ATXN2: variants seen among roughly 807,000 people sequenced by gnomAD.
ATXN2 encodes ataxin-2.
ATXN2 carries 37 observed loss-of-function variants against 138.6 expected under a neutral mutation model. That is an observed-to-expected ratio of 0.27 (90% CI 0.21 to 0.35). ATXN2 has a LOEUF of 0.35. ATXN2 is among the 10% of genes least tolerant of loss of function. The probability of loss-of-function intolerance (pLI) is 1.00; values close to 1 mark genes in which losing one functional copy is unlikely to be tolerated. For missense variants in ATXN2, 1,216 were observed against 1,480.3 expected, an observed-to-expected ratio of 0.82 and a Z score of 2.93; for synonymous variants, 549 against 543.7, an observed-to-expected ratio of 1.01 and a Z score of -0.13.
chr12:111,518,013 T>C (rs1270486396), intron 9 of ATXN2, among the ~76,000 whole-genome samples: 1 of 152,220 alleles, frequency 6.6e-6, no homozygotes, highest in Admixed American at 6.5e-5. Flanking sequence ...TAGCACTTTA[T>C]CTTAGTACAT....
chr12:111,457,438 A>C, intron 21 of ATXN2, 79 bp from the exon 22 acceptor site: 1 of 1,477,096 alleles, frequency 6.8e-7, no homozygotes, highest in Non-Finnish European at 9.1e-7. Flanking sequence ...CATCAACTGA[A>C]CTTTCTTGAT....
chr12:111,598,311 C>T lies in ATXN2; in HGVS notation c.251+473G>A. The T allele has an allele frequency of 4.0e-6, 4 of 1,000,962 alleles. No individual in the cohort carries two copies. Among genetic ancestry groups the T allele is most frequent in the Non-Finnish European group, 4.8e-6 (4 of 838,898 alleles). 62.0% of individuals were successfully genotyped at this position (1,000,962 alleles called of 1,614,324 possible). On this transcript the variant is annotated intron_variant, in intron 1 of 24. Transcript: ENST00000673436. The surrounding 1 kb of genome is among the most constrained non-coding windows in gnomAD (Gnocchi z 4.5). The stretch of plus-strand genomic sequence containing the variant: ...CACGGGGGACGCGGCCCTAACTTCT[C>T]CCCTCCAGAGATGTCCCCCATGGAG...
At chr12:111,573,703 A>T (rs1309192303) in intron 1 of ATXN2, among the ~76,000 whole-genome samples, 1 of 152,144 alleles carries the variant, frequency 6.6e-6, no homozygotes, top group Non-Finnish European at 1.5e-5. Flanking sequence ...CCAGCCTGAC[A>T]GGCTGGGCTG....
intron 14 of ATXN2, among the ~76,000 whole-genome samples, chr12:111,503,543 ACT>A (rs1878915309): frequency 6.6e-6 from 1 of 151,916 alleles, no homozygotes; most frequent in South Asian, 2.1e-4. Context: ...TAGAAAGTTC[ACT>A]CTTTTATTTT....
In ATXN2 at chr12:111,518,290, A is replaced by C. The variant is rs578113204; in HGVS notation, c.1124T>G (p.Phe375Cys). ...TTGGTCTGAACCAGAATTCGGGTTG[A>C]AATCTGAAGTGTGAGAAGTGGATCT... is the stretch of plus-strand genomic sequence containing the variant. Reference protein sequence around the residue: ...PSRSTSHTSDFNPNSGSDQRV... With the variant: ...PSRSTSHTSDCNPNSGSDQRV... Residue 375 changes from phenylalanine (F) to cysteine (C), a missense_variant, in exon 9 of 25, where the codon TTC becomes TGC. By Grantham distance (205) the Phe-to-Cys change is radical. This residue lies in a region of ATXN2 where 401 missense variants were observed against 528.1 expected (regional missense o/e 0.76). Transcript: ENST00000673436. 6.8e-6 allele frequency: 11 copies of C among 1,610,924 alleles called. No homozygotes were observed. Among genetic ancestry groups the C allele is most frequent in the Middle Eastern group, 1.7e-4 (1 of 6,054 alleles).
chr12:111,506,745 G>C (rs1219702349), intron 14 of ATXN2, among the ~76,000 whole-genome samples: 1 of 151,574 alleles, frequency 6.6e-6, no homozygotes, highest in Non-Finnish European at 1.5e-5. Flanking sequence ...TGCCATCTCG[G>C]CTCACTGCAA....
chr12:111,477,901 T>A (rs1382395963), intron 18 of ATXN2, among the ~76,000 whole-genome samples: 1 of 151,634 alleles, frequency 6.6e-6, no homozygotes, highest in East Asian at 1.9e-4. Context: ...TTGTCCCACC[T>A]CAGCCCCCCA....
At chr12:111,522,299 C>T (rs1049907482) in intron 6 of ATXN2, among the ~76,000 whole-genome samples, 1 of 151,700 alleles carries the variant, frequency 6.6e-6, no homozygotes, top group Non-Finnish European at 1.5e-5. Context: ...CCAATCCCAG[C>T]GTGCATAAAT....
chr12:111,463,858 C>A (rs1011112079), intron 21 of ATXN2, among the ~76,000 whole-genome samples: 8 of 152,198 alleles, frequency 5.3e-5, no homozygotes, highest in African/African-American at 1.9e-4. Context: ...ACGACTTCGG[C>A]TCACTGCAAC....
In ATXN2 at chr12:111,599,283, C is replaced by T. The variant is rs1374016546; in HGVS notation, c.-249G>A. 3.0e-6 allele frequency: 3 copies of T among 993,060 alleles called. No individual in the cohort carries two copies. The highest frequency in any genetic ancestry group is 1.2e-6 in the Non-Finnish European group (1 of 841,736). 61.5% of individuals were successfully genotyped at this position (993,060 alleles called of 1,614,324 possible). On this transcript the variant is annotated 5_prime_UTR_variant, in exon 1 of 25. Transcript: ENST00000673436. Reference sequence around the variant, plus strand: ...GCGCCGCCGCCGTTGCCGTTGCTACCAAAACAGTCTGAGGCGGAGGGAGGC... The same window carrying T: ...GCGCCGCCGCCGTTGCCGTTGCTACTAAAACAGTCTGAGGCGGAGGGAGGC...
Position 111,453,285 on chromosome 12 carries a change from C to G in ATXN2, c.3439+392G>C. ...ATCCACAGCGCTTTCTCAGCAGTAT[C>G]TTCTCCAGAGCTACAATCAAACTCT... On this transcript the variant is annotated intron_variant, in intron 24 of 24. Transcript: ENST00000673436. The surrounding 1 kb of genome is among the most constrained non-coding windows in gnomAD (Gnocchi z 5.4). The G allele has an allele frequency of 1.8e-5, 19 of 1,061,416 alleles. No individual in the cohort carries two copies. Among genetic ancestry groups the G allele is most frequent in the Non-Finnish European group, 2.2e-5 (19 of 879,848 alleles). 65.7% of individuals were successfully genotyped at this position (1,061,416 alleles called of 1,614,324 possible).
At chr12:111,575,621 T>C (rs1883595651) in intron 1 of ATXN2, among the ~76,000 whole-genome samples, 1 of 151,958 alleles carries the variant, frequency 6.6e-6, no homozygotes, top group African/African-American at 2.4e-5. Context: ...TACTACCACA[T>C]AAGCTCCAAA....
At chr12:111,576,697 C>T (rs12816310) in intron 1 of ATXN2, among the ~76,000 whole-genome samples, 94,702 of 151,514 alleles carry the variant, frequency 0.63, 33,793 homozygotes, top group Non-Finnish European at 0.79. Context: ...TGGTGGCTCA[C>T]GCCTGTAATC....
chr12:111,498,996 T>G, intron 14 of ATXN2, among the ~76,000 whole-genome samples: 1 of 152,116 alleles, frequency 6.6e-6, no homozygotes, highest in Non-Finnish European at 1.5e-5. Context: ...GATATCCATA[T>G]GCAGAAGAAT....
rs1881490367 is a variant in ATXN2 at position 111,541,312 on chromosome 12, T to C, written c.571+10968A>G. Among the ~76,000 whole-genome samples the C allele has an allele frequency of 1.3e-5, 2 of 148,424 alleles. 1 individual carries two copies. The highest frequency in any genetic ancestry group is 3.0e-5 in the Non-Finnish European group (2 of 66,422). On this transcript the variant is annotated intron_variant, in intron 5 of 24. Coordinates refer to ENST00000673436, the MANE Select transcript of ATXN2 (RefSeq NM_001372574.1). ...ATACCCACATAAATTCAGTTTTGGA[T>C]GCTCCATACGTAGCCACTGTGACAG...
At chr12:111,555,767 G>T (rs11610849) in intron 2 of ATXN2, 116 bp downstream of exon 2, 4 of 833,752 alleles carry the variant, frequency 4.8e-6, no homozygotes, top group Non-Finnish European at 7.6e-6. Context: ...AAACAGTCAA[G>T]TTATCTATGA....
intron 5 of ATXN2, among the ~76,000 whole-genome samples, chr12:111,545,582 AAG>A (rs909068631): frequency 2.0e-5 from 3 of 151,976 alleles, no homozygotes; most frequent in African/African-American, 4.8e-5. Context: ...GAAAAAGAAA[AAG>A]AGAACAAGGA....
intron 1 of ATXN2, among the ~76,000 whole-genome samples, chr12:111,559,343 C>T (rs1455716367): frequency 2.0e-5 from 3 of 151,484 alleles, no homozygotes; most frequent in Non-Finnish European, 4.4e-5. Flanking sequence ...TTGTGATCCA[C>T]CCACCTCAGC....
intron 18 of ATXN2, among the ~76,000 whole-genome samples, chr12:111,481,262 C>T (rs546599790): frequency 9.9e-5 from 15 of 152,030 alleles, no homozygotes; most frequent in Admixed American, 2.6e-4. Flanking sequence ...CTGGGAAGCA[C>T]GGAGAAGCTC....
Sources: allele counts gnomAD v4.1 joint callset (sites outside exome capture counted in the v4.1 genomes callset), GRCh38; gene constraint gnomAD v4.1.1; regional missense constraint gnomAD v4.1.1; non-coding constraint Gnocchi (gnomAD v3.1); transcripts MANE v1.5; gene names NCBI Gene and HGNC (gene_info 2026-07-23, HGNC 2026-07-21).